The following ZBTB20 variants were observed in gnomAD, a reference collection of about 807,000 sequenced individuals.
The protein encoded by ZBTB20 is zinc finger and BTB domain containing 20.
In ZBTB20, 9 loss-of-function variants were observed where a neutral mutation model predicts 56.9. The observed-to-expected ratio is 0.16, with a 90% confidence interval of 0.10 to 0.28. The LOEUF is 0.28. ZBTB20 is among the 10% of genes least tolerant of loss of function. The probability of loss-of-function intolerance (pLI) is 1.00; values close to 1 mark genes in which losing one functional copy is unlikely to be tolerated. For synonymous variants in ZBTB20, 417 were observed against 420.7 expected (o/e 0.99, Z 0.11); for missense variants, 655 against 1,003.0 (o/e 0.65, Z 4.69).
chr3:114,886,555 A>C (rs141142610), intron 4 of ZBTB20, among the ~76,000 whole-genome samples: 1 of 152,362 alleles, frequency 6.6e-6, no homozygotes, highest in East Asian at 1.9e-4. Context: ...AAGTTATGTG[A>C]AAGTACCATG....
At position 114,328,636 on chromosome 3, in the gene ZBTB20, T is replaced by C. The variant is rs2079136566; in HGVS notation, c.*10369A>G. On this transcript the variant is annotated 3_prime_UTR_variant, in exon 12 of 12. Coordinates refer to ENST00000675478, the MANE Select transcript of ZBTB20 (RefSeq NM_001348800.3). ...CCTCCCACTCTCAAAAGAATATTGA[T>C]AACTTTTAAACTCTGAAGCTAAAAT... 2.6e-5 allele frequency: 4 copies of C among 152,240 alleles called. No homozygotes were observed. Among genetic ancestry groups the C allele is most frequent in the Admixed American group, 2.6e-4 (4 of 15,290 alleles). 9.4% of individuals were successfully genotyped at this position (152,240 alleles called of 1,614,324 possible).
rs1480714134 is a variant in ZBTB20 at position 114,338,436 on chromosome 3, A to C, written c.*569T>G. The C allele has an allele frequency of 1.3e-5, 2 of 152,100 alleles. No individual in the cohort carries two copies. Among genetic ancestry groups the C allele is most frequent in the Non-Finnish European group, 2.9e-5 (2 of 68,008 alleles). 9.4% of individuals were successfully genotyped at this position (152,100 alleles called of 1,614,324 possible). On this transcript the variant is annotated 3_prime_UTR_variant, in exon 12 of 12. Coordinates refer to ENST00000675478, the MANE Select transcript of ZBTB20 (RefSeq NM_001348800.3). ...CCCTTCCCACCCCCACAGCCCTTTTATGAAATCAGACAACGTGGTAGGTGG... is the reference window on the plus strand; with the variant it reads ...CCCTTCCCACCCCCACAGCCCTTTTCTGAAATCAGACAACGTGGTAGGTGG...
At chr3:115,035,389 C>T (rs1394498613) in intron 2 of ZBTB20, among the ~76,000 whole-genome samples, 1 of 152,004 alleles carries the variant, frequency 6.6e-6, no homozygotes, top group African/African-American at 2.4e-5. Flanking sequence ...TGAATCAAAA[C>T]TGTGCAAAGA....
At chr3:114,831,087 C>CTTTTTTTTTTTTTTTTTTTTTTTT (rs57265260) in intron 4 of ZBTB20, among the ~76,000 whole-genome samples, 1 of 55,550 alleles carries the variant, frequency 1.8e-5, no homozygotes, top group Non-Finnish European at 3.7e-5. Context: ...TTTCTTTCTT[C>CTTTTTTTTTTTTTTTTTTTTTTTT]TTTTTTTTTT....
intron 4 of ZBTB20, among the ~76,000 whole-genome samples, chr3:114,821,436 C>A (rs1293852415): frequency 6.6e-6 from 1 of 152,104 alleles, no homozygotes. Flanking sequence ...TCTAAGCCAA[C>A]TCTAAATACC....
chr3:115,146,701 C>A (rs2084987666), intron 1 of ZBTB20, among the ~76,000 whole-genome samples: 1 of 152,124 alleles, frequency 6.6e-6, no homozygotes. Flanking sequence ...GCTCCAGAGA[C>A]CGCGAGAGCC....
chr3:114,894,870 A>G (rs1052291576), intron 4 of ZBTB20, among the ~76,000 whole-genome samples: 1 of 152,178 alleles, frequency 6.6e-6, no homozygotes, highest in Non-Finnish European at 1.5e-5. Context: ...TCCATTAATC[A>G]TCAATATTTA....
intron 6 of ZBTB20, among the ~76,000 whole-genome samples, chr3:114,570,413 C>T (rs1054543267): frequency 1.3e-5 from 2 of 150,042 alleles, no homozygotes; most frequent in African/African-American, 2.4e-5. Flanking sequence ...TTGTATAATA[C>T]AATATGATAT....
chr3:115,054,252 T>C (rs1373169204), intron 2 of ZBTB20, among the ~76,000 whole-genome samples: 1 of 152,152 alleles, frequency 6.6e-6, no homozygotes, highest in Non-Finnish European at 1.5e-5. Flanking sequence ...AAAGGCACCA[T>C]TTCAACTTTC....
chr3:114,764,159 G>A (rs529164904), intron 5 of ZBTB20, among the ~76,000 whole-genome samples: 1 of 151,900 alleles, frequency 6.6e-6, no homozygotes, highest in African/African-American at 2.4e-5. Flanking sequence ...TGAGCTTTCA[G>A]AGCCAGAATT....
chr3:114,391,235 C>A (rs1006784752), intron 7 of ZBTB20, among the ~76,000 whole-genome samples: 1 of 152,178 alleles, frequency 6.6e-6, no homozygotes, highest in African/African-American at 2.4e-5. Flanking sequence ...CATATCACTT[C>A]TTTGCTTACA....
rs543470412 is a variant in ZBTB20, at chr3:114,477,155, A to G, written c.-255+23197T>C. On this transcript the variant is annotated intron_variant, in intron 7 of 11. Transcript: ENST00000675478. ...AAACATCACATATAAACTGAAAAAC[A>G]TACCTGAAATAACATGCTTAAGTGT... Among the ~76,000 whole-genome samples, 4 of 152,374 alleles carry G rather than the reference A, an allele frequency of 2.6e-5. No individual in the cohort carries two copies. In the South Asian group the frequency reaches 6.2e-4, roughly 24 times the overall value.
chr3:114,502,990 G>A (rs1016822663), intron 6 of ZBTB20: 26 of 152,020 alleles, frequency 1.7e-4, no homozygotes, highest in African/African-American at 6.0e-4. Flanking sequence ...ATTATACCTA[G>A]TGTTTATGTT....
Position 114,503,613 on chromosome 3 carries a change from A to G in ZBTB20, c.-294-3222T>C, listed in dbSNP as rs539744808. 9.8e-5 allele frequency among the ~76,000 whole-genome samples: 15 copies of G among 152,328 alleles called. 1 individual carries two copies. The South Asian group carries it at 2.9e-3, about 29-fold the overall frequency. On this transcript the variant is annotated intron_variant, in intron 6 of 11. Transcript: ENST00000675478. Reference sequence around the variant, plus strand: ...AAAAGTTTCACAGAGGATTAAAAACATTTGCATTAAGCACACTTTGTTCAA... The same window carrying G: ...AAAAGTTTCACAGAGGATTAAAAACGTTTGCATTAAGCACACTTTGTTCAA...
intron 3 of ZBTB20, among the ~76,000 whole-genome samples, chr3:114,961,092 T>C (rs1303240501): frequency 6.6e-6 from 1 of 150,892 alleles, no homozygotes; most frequent in Non-Finnish European, 1.5e-5. Flanking sequence ...TTTGAAGAAA[T>C]GTGAGTGTCC....
At chr3:114,483,290 G>A (rs1331898526) in intron 7 of ZBTB20, among the ~76,000 whole-genome samples, 1 of 151,756 alleles carries the variant, frequency 6.6e-6, no homozygotes, top group Non-Finnish European at 1.5e-5. Context: ...AAGAATATTT[G>A]TACAAATATT....
intron 2 of ZBTB20, among the ~76,000 whole-genome samples, chr3:115,043,800 G>A (rs907337995): frequency 3.3e-5 from 5 of 151,874 alleles, no homozygotes; most frequent in Non-Finnish European, 7.4e-5. Context: ...GTCTATTATG[G>A]TTTTAATATG....
chr3:114,623,009 C>T (rs185018292), intron 6 of ZBTB20, among the ~76,000 whole-genome samples: 56 of 152,278 alleles, frequency 3.7e-4, no homozygotes, highest in African/African-American at 1.1e-3. Flanking sequence ...GCCACACAAT[C>T]GAATGCTTTT....
At chr3:114,643,600 G>A (rs2059675428) in intron 6 of ZBTB20, among the ~76,000 whole-genome samples, 1 of 152,098 alleles carries the variant, frequency 6.6e-6, no homozygotes, top group African/African-American at 2.4e-5. Flanking sequence ...TTTCCTGCAT[G>A]TTTGATTGAT....
Sources: allele counts gnomAD v4.1 joint callset (sites outside exome capture counted in the v4.1 genomes callset), GRCh38; gene constraint gnomAD v4.1.1; transcripts MANE v1.5; gene names NCBI Gene and HGNC (gene_info 2026-07-23, HGNC 2026-07-21).